Variants in SBF2 observed in about 807,000 individuals in gnomAD.
The protein encoded by SBF2 is SET binding factor 2, also known as myotubularin-related protein 13.
In SBF2, 112 loss-of-function variants were observed where a neutral mutation model predicts 225.2. The ratio of observed to expected loss-of-function variants is 0.50; its 90% confidence interval spans 0.43 to 0.58. The LOEUF is 0.58. SBF2 is among the 20% of genes least tolerant of loss of function. The pLI is 0.00. For synonymous variants in SBF2, 763 were observed against 773.3 expected (o/e 0.99, Z 0.22); for missense variants, 1,996 against 2,206.2 (o/e 0.90, Z 1.91).
At chr11:9,832,137 A>C in intron 27 of SBF2, 87 bp downstream of exon 27, 1 of 1,170,010 alleles carries the variant, frequency 8.5e-7, no homozygotes, top group African/African-American at 1.5e-5. Flanking sequence ...CTTGATGAAA[A>C]GGCACCATTC....
chr11:10,108,749 C>A (rs1356462530), intron 2 of SBF2, among the ~76,000 whole-genome samples: 3 of 151,612 alleles, frequency 2.0e-5, no homozygotes, highest in Non-Finnish European at 4.4e-5. Flanking sequence ...TGGTCTCGAT[C>A]TCCTGACCTC....
intron 29 of SBF2, among the ~76,000 whole-genome samples, chr11:9,813,864 C>T (rs1255792080): frequency 6.6e-6 from 1 of 152,044 alleles, no homozygotes. Flanking sequence ...ATCACTTGAA[C>T]CCCGGAGATG....
At chr11:9,971,145 A>C (rs1225788417) in intron 13 of SBF2, among the ~76,000 whole-genome samples, 1 of 152,038 alleles carries the variant, frequency 6.6e-6, no homozygotes, top group Non-Finnish European at 1.5e-5. Context: ...GAATTATTTA[A>C]AGTATATTCA....
At chr11:9,792,949 T>G (rs1285387152) in intron 33 of SBF2, among the ~76,000 whole-genome samples, 1 of 148,774 alleles carries the variant, frequency 6.7e-6, no homozygotes, top group African/African-American at 2.5e-5. Context: ...GTTTTTTTTT[T>G]TTTTTTTTGT....
intron 2 of SBF2, among the ~76,000 whole-genome samples, chr11:10,066,334 A>AT (rs1265076115): frequency 2.7e-5 from 4 of 150,504 alleles, no homozygotes; most frequent in Non-Finnish European, 5.9e-5. Flanking sequence ...ATATATCTAT[A>AT]TATCTATATC....
At chr11:9,795,757 T>C (rs1853083868) in intron 33 of SBF2, 74 bp downstream of exon 33, 34 of 1,533,826 alleles carry the variant, frequency 2.2e-5, no homozygotes, top group Non-Finnish European at 3.0e-5. Flanking sequence ...TGGGGATAGT[T>C]ACATTATTAG....
At chr11:10,203,616 G>A (rs991651021) in intron 1 of SBF2, among the ~76,000 whole-genome samples, 35 of 150,954 alleles carry the variant, frequency 2.3e-4, no homozygotes, top group African/African-American at 8.4e-4. Flanking sequence ...GAAAAGTATG[G>A]GCCACAAGGA....
intron 28 of SBF2, among the ~76,000 whole-genome samples, chr11:9,823,760 A>C (rs1230922088): frequency 6.6e-6 from 1 of 152,212 alleles, no homozygotes; most frequent in Admixed American, 6.5e-5. Flanking sequence ...TACTTTGAGA[A>C]GGAATGACAC....
chr11:9,885,179 A>T (rs1386051811), intron 17 of SBF2, among the ~76,000 whole-genome samples: 1 of 133,154 alleles, frequency 7.5e-6, no homozygotes, highest in African/African-American at 2.9e-5. Context: ...TGAACCCGGG[A>T]GGCGGAGGCT....
At chr11:10,224,102 C>T (rs1362825375) in intron 1 of SBF2, among the ~76,000 whole-genome samples, 1 of 152,034 alleles carries the variant, frequency 6.6e-6, no homozygotes, top group African/African-American at 2.4e-5. Flanking sequence ...CTAGTATCTA[C>T]TTATATTTTA....
Position 9,853,581 on chromosome 11 carries a change from A to T in SBF2, c.2495T>A (p.Val832Asp). Residue 832 changes from valine to aspartate, a missense_variant, in exon 20 of 40, where the codon GTT becomes GAT. By Grantham distance (152) the Val-to-Asp change is radical (BLOSUM62 -3). Coordinates refer to ENST00000256190, the MANE Select transcript of SBF2 (RefSeq NM_030962.4). ...AAGGCTCTTGATGTGATCCTGAGTA[A>T]CTCCACTCTCTGTACAAACTTTGTC... ...FIDKVCTESG[V>D]TQDHIKSLHC... 1 of 1,613,822 alleles carries T rather than the reference A, an allele frequency of 6.2e-7. No individual in the cohort carries two copies. Among genetic ancestry groups the T allele is most frequent in the Non-Finnish European group, 8.5e-7 (1 of 1,179,900 alleles).
At chr11:10,223,310 C>A (rs1263213811) in intron 1 of SBF2, among the ~76,000 whole-genome samples, 1 of 149,268 alleles carries the variant, frequency 6.7e-6, no homozygotes, top group Non-Finnish European at 1.5e-5. Flanking sequence ...CAAAAATCTG[C>A]ACATAACTTT....
intron 2 of SBF2, among the ~76,000 whole-genome samples, chr11:10,064,208 G>C (rs1380757151): frequency 6.6e-6 from 1 of 152,094 alleles, no homozygotes; most frequent in Non-Finnish European, 1.5e-5. Flanking sequence ...AGGGAGAAAT[G>C]AAAGAGTACT....
At position 9,790,690 on chromosome 11, in the gene SBF2, ATT is replaced by A. The variant is rs766750111; in HGVS notation, c.4571-9_4571-8del. 2 of 1,559,146 alleles carry A rather than the reference ATT, an allele frequency of 1.3e-6. No individual in the cohort carries two copies. The highest frequency in any genetic ancestry group is 8.8e-7 in the Non-Finnish European group (1 of 1,135,106). The stretch of plus-strand genomic sequence containing the variant: ...TTATCATCAAATAAAGTTCCTGTAG[ATT>A]AAAAAAATCCAACAAAACAAAATTA... On this transcript the variant is annotated splice_region_variant and splice_polypyrimidine_tract_variant and intron_variant, in intron 33 of 39. Coordinates refer to ENST00000256190, the MANE Select transcript of SBF2 (RefSeq NM_030962.4).
At position 9,850,032 on chromosome 11, in the gene SBF2, C is replaced by A; in HGVS notation, c.2797G>T (p.Asp933Tyr). The change falls in exon 22 of 40, where the codon GAT becomes TAT. Residue 933 changes from aspartate (D) to tyrosine (Y), a missense_variant. Transcript: ENST00000256190. ...GCATATCGAGTCATACCTAACTGAT[C>A]ATGGGGTGTTCCTCTGAAGAGAATT... ...YRILFRGTPHDQLVGEQTVVR... is the reference protein window; with the variant it reads ...YRILFRGTPHYQLVGEQTVVR... 1 of 1,613,942 alleles carries A rather than the reference C, an allele frequency of 6.2e-7. No individual in the cohort carries two copies. The highest frequency in any genetic ancestry group is 8.5e-7 in the Non-Finnish European group (1 of 1,179,942).
chr11:10,004,863 G>A (rs1948127955), intron 6 of SBF2, among the ~76,000 whole-genome samples: 1 of 152,110 alleles, frequency 6.6e-6, no homozygotes, highest in African/African-American at 2.4e-5. Flanking sequence ...ATATACCTAT[G>A]ACCTGGAAGC....
chr11:10,078,273 T>G (rs1951207851), intron 2 of SBF2, among the ~76,000 whole-genome samples: 1 of 152,186 alleles, frequency 6.6e-6, no homozygotes, highest in Non-Finnish European at 1.5e-5. Flanking sequence ...GTGATCCCAT[T>G]ACTGGGTATA....
At chr11:10,108,516 T>TC (rs1491441684) in intron 2 of SBF2, among the ~76,000 whole-genome samples, 1 of 26,648 alleles carries the variant, frequency 3.8e-5, no homozygotes, top group Non-Finnish European at 9.0e-5. Flanking sequence ...AATAGTTAAC[T>TC]TTTTTTTTTT....
At chr11:10,187,470 C>A (rs1956976251) in intron 2 of SBF2, among the ~76,000 whole-genome samples, 1 of 152,120 alleles carries the variant, frequency 6.6e-6, no homozygotes, top group Admixed American at 6.5e-5. Flanking sequence ...GCAGGGGGAC[C>A]CCTGCCTTCG....
Sources: allele counts gnomAD v4.1 joint callset (sites outside exome capture counted in the v4.1 genomes callset), GRCh38; gene constraint gnomAD v4.1.1; transcripts MANE v1.5; gene names NCBI Gene and HGNC (gene_info 2026-07-23, HGNC 2026-07-21).